RBMS3: variants seen among roughly 807,000 people sequenced by gnomAD.
RBMS3 encodes the protein RNA binding motif single stranded interacting protein 3, also known as RNA-binding motif, single-stranded-interacting protein 3.
RBMS3 carries 27 observed loss-of-function variants against 66.8 expected under a neutral mutation model. The ratio of observed to expected loss-of-function variants is 0.40; its 90% CI spans 0.30 to 0.56. RBMS3 has a LOEUF of 0.56. Among genes scored for constraint, RBMS3 ranks in the 20% least tolerant of loss-of-function variants. The probability of loss-of-function intolerance (pLI) is 0.40; values close to 1 mark genes in which losing one functional copy is unlikely to be tolerated. For synonymous variants in RBMS3, 188 were observed against 183.0 expected, an observed-to-expected ratio of 1.03 and a Z score of -0.22; for missense variants, 513 against 549.5, an observed-to-expected ratio of 0.93 and a Z score of 0.66.
At chr3:29,776,438 C>A (rs2056429351) in intron 6 of RBMS3, among the ~76,000 whole-genome samples, 1 of 151,970 alleles carries the variant, frequency 6.6e-6, no homozygotes, top group Admixed American at 6.6e-5. Flanking sequence ...CTAATGCTAT[C>A]CCTCCAACAT....
chr3:29,364,506 A>T (rs186208590), intron 1 of RBMS3, among the ~76,000 whole-genome samples: 11 of 152,314 alleles, frequency 7.2e-5, no homozygotes, highest in African/African-American at 2.6e-4. Flanking sequence ...AAATATATTA[A>T]TTGAAGCTTG....
At chr3:29,353,544 C>T (rs2037047059) in intron 1 of RBMS3, among the ~76,000 whole-genome samples, 1 of 151,854 alleles carries the variant, frequency 6.6e-6, no homozygotes. Flanking sequence ...ATTTTGTAAT[C>T]ATGCTTCATT....
At chr3:29,846,505 G>A (rs1025927705) in intron 6 of RBMS3, among the ~76,000 whole-genome samples, 1 of 152,110 alleles carries the variant, frequency 6.6e-6, no homozygotes, top group African/African-American at 2.4e-5. Context: ...TTAACTGACT[G>A]TCAGTCACAT....
intron 10 of RBMS3, among the ~76,000 whole-genome samples, chr3:29,910,018 T>C (rs77240951): frequency 0.039 from 5,885 of 152,212 alleles, 123 homozygotes; most frequent in South Asian, 0.052. Context: ...ACTTCATCAT[T>C]AGTAAAGCAG....
intron 12 of RBMS3, among the ~76,000 whole-genome samples, chr3:29,961,682 C>T (rs141614051): frequency 6.6e-6 from 1 of 151,864 alleles, no homozygotes; most frequent in South Asian, 2.1e-4. Context: ...AAGTGCCAAG[C>T]AAAGAAGGAA....
intron 3 of RBMS3, among the ~76,000 whole-genome samples, chr3:29,534,213 T>C (rs1275945526): frequency 1.3e-5 from 2 of 152,218 alleles, no homozygotes; most frequent in Admixed American, 6.5e-5. Context: ...AAAGGTCACG[T>C]TGCAGCAACA....
intron 3 of RBMS3, among the ~76,000 whole-genome samples, chr3:29,506,236 T>TATTGAG (rs1490521105): frequency 2.6e-5 from 4 of 151,924 alleles, no homozygotes; most frequent in African/African-American, 9.7e-5. Flanking sequence ...TCCTTTCAGG[T>TATTGAG]ATTGAGATAC....
At chr3:29,926,164 A>C (rs181679653) in intron 10 of RBMS3, among the ~76,000 whole-genome samples, 1 of 152,312 alleles carries the variant, frequency 6.6e-6, no homozygotes, top group Non-Finnish European at 1.5e-5. Context: ...ACATGTCATC[A>C]ATAGGGTATA....
intron 14 of RBMS3, among the ~76,000 whole-genome samples, chr3:29,999,078 A>C (rs536774950): frequency 3.2e-4 from 49 of 151,878 alleles, no homozygotes; most frequent in African/African-American, 1.2e-3. Flanking sequence ...AAAAAACAAA[A>C]AACCCCATCA....
At chr3:29,450,634 G>T (rs1046466873) in intron 2 of RBMS3, among the ~76,000 whole-genome samples, 1 of 151,952 alleles carries the variant, frequency 6.6e-6, no homozygotes, top group Non-Finnish European at 1.5e-5. Flanking sequence ...TGAAATTACC[G>T]CAAGGATATT....
chr3:29,897,550 A>C, intron 9 of RBMS3, 75 bp downstream of exon 9: 1 of 1,377,742 alleles, frequency 7.3e-7, no homozygotes, highest in Non-Finnish European at 1.0e-6. Context: ...AAAAGGACAC[A>C]GTAGAATGAA....
At chr3:29,566,276 A>G (rs926272374) in intron 3 of RBMS3, among the ~76,000 whole-genome samples, 2 of 152,188 alleles carry the variant, frequency 1.3e-5, no homozygotes, top group African/African-American at 4.8e-5. Context: ...GCATGCTGTG[A>G]TAGACACTAA....
chr3:29,577,347 G>A (rs1361482828), intron 3 of RBMS3, among the ~76,000 whole-genome samples: 1 of 152,194 alleles, frequency 6.6e-6, no homozygotes. Context: ...TTTCATTGCT[G>A]TGAGCTGCCT....
At chr3:29,285,249 G>GA (rs1205038330) in intron 1 of RBMS3, among the ~76,000 whole-genome samples, 2 of 117,382 alleles carry the variant, frequency 1.7e-5, no homozygotes, top group Non-Finnish European at 3.6e-5. Context: ...GGGGGTGGGG[G>GA]TGGTGGTGGG....
intron 14 of RBMS3, among the ~76,000 whole-genome samples, chr3:29,993,547 AC>A (rs1057293572): frequency 6.6e-6 from 1 of 152,026 alleles, no homozygotes; most frequent in African/African-American, 2.4e-5. Flanking sequence ...AGCAGATTCC[AC>A]CCCCCACTGT....
chr3:29,311,836 T>C (rs953963336), intron 1 of RBMS3, among the ~76,000 whole-genome samples: 2 of 151,728 alleles, frequency 1.3e-5, no homozygotes, highest in African/African-American at 4.8e-5. Flanking sequence ...TCCATAGCAA[T>C]CATTAAATCA....
chr3:29,953,000 G>C (rs551091634), intron 12 of RBMS3, among the ~76,000 whole-genome samples: 92 of 152,010 alleles, frequency 6.1e-4, no homozygotes, highest in African/African-American at 2.2e-3. Flanking sequence ...GAAAACCAAG[G>C]ATCAACTATA....
intron 6 of RBMS3, among the ~76,000 whole-genome samples, chr3:29,838,732 C>CT (rs1481787213): frequency 7.9e-5 from 12 of 152,076 alleles, no homozygotes; most frequent in African/African-American, 2.9e-4. Context: ...TTTTATGCAG[C>CT]AATAACATTT....
At chr3:29,365,583 T>G (rs1285957640) in intron 1 of RBMS3, among the ~76,000 whole-genome samples, 1 of 152,092 alleles carries the variant, frequency 6.6e-6, no homozygotes, top group Non-Finnish European at 1.5e-5. Flanking sequence ...TTGCGTTAAG[T>G]CTCTTTGTAT....
Sources: gnomAD v4.1 joint callset for allele counts (sites outside exome capture counted in the v4.1 genomes callset) on GRCh38, gnomAD v4.1.1 for gene constraint, MANE v1.5 for transcripts, NCBI Gene and HGNC (gene_info 2026-07-23, HGNC 2026-07-21) for gene names.